DLG2: variants seen among roughly 807,000 people sequenced by gnomAD.
DLG2 encodes discs large MAGUK scaffold protein 2.
Under a neutral mutation model 132.5 loss-of-function variants are expected in DLG2, and 45 were observed. That is an observed-to-expected ratio of 0.34 (90% CI 0.27 to 0.44). The LOEUF (loss-of-function observed/expected upper bound fraction) is 0.44. DLG2 is among the 20% of genes least tolerant of loss of function. The pLI is 1.00. For missense variants in DLG2, 1,045 were observed against 1,196.9 expected, an observed-to-expected ratio of 0.87 and a Z score of 1.87; for synonymous variants, 424 against 419.6, an observed-to-expected ratio of 1.01 and a Z score of -0.13.
chr11:84,646,568 G>A (rs1393594340), intron 6 of DLG2, among the ~76,000 whole-genome samples: 2 of 151,814 alleles, frequency 1.3e-5, no homozygotes, highest in East Asian at 3.9e-4. Context: ...GGATGTTTCA[G>A]TCTGACAGAA....
At chr11:85,368,609 C>T (rs2084735236) in intron 3 of DLG2, among the ~76,000 whole-genome samples, 1 of 152,236 alleles carries the variant, frequency 6.6e-6, no homozygotes, top group African/African-American at 2.4e-5. Flanking sequence ...AGGTGTACTA[C>T]CCAGATCTCC....
rs76961539 is a variant in DLG2 at position 85,242,531 on chromosome 11, T to C, written c.186+42689A>G. 9.9e-3 allele frequency among the ~76,000 whole-genome samples: 1,501 copies of C among 151,880 alleles called. 11 individuals are homozygous for C. Among genetic ancestry groups the C allele is most frequent in the Non-Finnish European group, 0.016 (1,096 of 67,882 alleles). On this transcript the variant is annotated intron_variant, in intron 4 of 27. Transcript: ENST00000376104. ...TCTGGAACTCCTGTTACTCAGGTGT[T>C]GGTACCTCAATTTCTATTCTCTATC...
intron 6 of DLG2, among the ~76,000 whole-genome samples, chr11:84,898,292 T>C (rs2090453348): frequency 1.3e-5 from 2 of 151,920 alleles, no homozygotes; most frequent in African/African-American, 2.4e-5. Context: ...TTGAATAGTA[T>C]CTTCATGTTT....
intron 15 of DLG2, among the ~76,000 whole-genome samples, chr11:83,875,181 C>G (rs557174807): frequency 6.2e-4 from 95 of 152,140 alleles, no homozygotes; most frequent in African/African-American, 2.0e-3. Context: ...AATGAGACTT[C>G]CAGCTGCATA....
Position 85,061,976 on chromosome 11 carries a change from C to T in DLG2, c.357+49685G>A, listed in dbSNP as rs565173913. Among the ~76,000 whole-genome samples the T allele has an allele frequency of 1.5e-4, 23 of 151,836 alleles. 1 individual carries two copies. Among genetic ancestry groups the T allele is most frequent in the African/African-American group, 5.3e-4 (22 of 41,474 alleles). On this transcript the variant is annotated intron_variant, in intron 6 of 27. Transcript: ENST00000376104. ...TTTCCCCCAGCCCATTTTACACTCG[C>T]ATGGCTCAGTTGAAAAATTTGAGGT... is the stretch of plus-strand genomic sequence containing the variant.
intron 21 of DLG2, among the ~76,000 whole-genome samples, chr11:83,493,203 T>G (rs2093956429): frequency 6.6e-6 from 1 of 152,106 alleles, no homozygotes; most frequent in African/African-American, 2.4e-5. Flanking sequence ...TCTTCTTCCC[T>G]TAGAAGGCTG....
intron 5 of DLG2, among the ~76,000 whole-genome samples, chr11:85,154,149 A>AC (rs1594890118): frequency 6.6e-6 from 1 of 151,046 alleles, no homozygotes; most frequent in South Asian, 2.1e-4. Flanking sequence ...AAAAAAAAAA[A>AC]AAAAAAAAAA....
chr11:84,974,049 A>G (rs1325302709), intron 6 of DLG2, among the ~76,000 whole-genome samples: 1 of 152,196 alleles, frequency 6.6e-6, no homozygotes, highest in Non-Finnish European at 1.5e-5. Context: ...ATTAAACTAG[A>G]GAAATTATAC....
In DLG2 at chr11:83,472,746, C is replaced by T. The variant is rs2092215422; in HGVS notation, c.2325G>A (p.Glu775=). 1.2e-6 allele frequency: 2 copies of T among 1,611,888 alleles called. No individual in the cohort carries two copies. Among genetic ancestry groups the T allele is most frequent in the Non-Finnish European group, 8.5e-7 (1 of 1,178,826 alleles). The change falls in exon 23 of 28, where the codon GAG becomes GAA. Residue 775 remains glutamate (E), a synonymous_variant. Transcript: ENST00000376104. ...ACTTACTTTCCTGCCTTGTAACAGG[C>T]TCATAGGAAAGAATGAGGTCTTCTT... ...RGQEDLILSY[E]PVTRQEINYT... is the part of the protein sequence containing the mutation.
intron 6 of DLG2, among the ~76,000 whole-genome samples, chr11:84,715,419 A>C (rs1048137918): frequency 1.4e-4 from 22 of 151,962 alleles, no homozygotes; most frequent in African/African-American, 4.8e-4. Context: ...TCTCTTAGCA[A>C]ATTTCTGGTA....
At chr11:85,524,695 C>T (rs749070517) in intron 3 of DLG2, among the ~76,000 whole-genome samples, 17 of 152,058 alleles carry the variant, frequency 1.1e-4, no homozygotes, top group Admixed American at 6.6e-4. Flanking sequence ...GGTTTCACTA[C>T]GTTGCCCAGG....
At chr11:85,614,642 A>C (rs2081226516) in intron 2 of DLG2, among the ~76,000 whole-genome samples, 1 of 152,220 alleles carries the variant, frequency 6.6e-6, no homozygotes, top group Admixed American at 6.5e-5. Flanking sequence ...CTCCATCTCC[A>C]AATAAATAAA....
intron 15 of DLG2, among the ~76,000 whole-genome samples, chr11:83,886,202 C>A (rs2067839121): frequency 6.6e-6 from 1 of 152,030 alleles, no homozygotes; most frequent in African/African-American, 2.4e-5. Context: ...TTCAGGAAAC[C>A]CATCTCATGT....
At chr11:83,991,323 G>T (rs957551962) in intron 11 of DLG2, among the ~76,000 whole-genome samples, 2 of 152,092 alleles carry the variant, frequency 1.3e-5, no homozygotes, top group Admixed American at 6.6e-5. Flanking sequence ...ACTTACTATA[G>T]CCACAGCCCA....
chr11:84,315,178 C>T (rs1014070753), intron 7 of DLG2, among the ~76,000 whole-genome samples: 3 of 151,994 alleles, frequency 2.0e-5, no homozygotes, highest in Non-Finnish European at 2.9e-5. Flanking sequence ...TCCTTGAAAG[C>T]ATTAAATGGC....
intron 6 of DLG2, among the ~76,000 whole-genome samples, chr11:84,866,700 C>A (rs10898310): frequency 6.6e-6 from 1 of 151,960 alleles, no homozygotes. Flanking sequence ...ATTATAATAA[C>A]TGAAGACACA....
At chr11:85,549,255 T>C (rs2076519406) in intron 3 of DLG2, among the ~76,000 whole-genome samples, 1 of 152,118 alleles carries the variant, frequency 6.6e-6, no homozygotes, top group African/African-American at 2.4e-5. Flanking sequence ...CCCCTTGCAC[T>C]TCCCGGATGA....
chr11:84,830,633 G>A (rs1375111199), intron 6 of DLG2, among the ~76,000 whole-genome samples: 2 of 151,456 alleles, frequency 1.3e-5, no homozygotes, highest in African/African-American at 4.8e-5. Flanking sequence ...AACTGGGTCA[G>A]GAGGAAGAAG....
At chr11:84,599,331 A>C (rs2099570561) in intron 6 of DLG2, among the ~76,000 whole-genome samples, 1 of 152,160 alleles carries the variant, frequency 6.6e-6, no homozygotes, top group Non-Finnish European at 1.5e-5. Context: ...ACTGTGTCAT[A>C]TGTCAGCATC....
Sources: gnomAD v4.1 joint callset for allele counts (sites outside exome capture counted in the v4.1 genomes callset) on GRCh38, gnomAD v4.1.1 for gene constraint, MANE v1.5 for transcripts, NCBI Gene and HGNC (gene_info 2026-07-23, HGNC 2026-07-21) for gene names.